CLOCK: variants seen among roughly 807,000 people sequenced by gnomAD.
CLOCK encodes circadian locomoter output cycles protein kaput.
A neutral mutation model predicts 118.4 loss-of-function variants in CLOCK; 43 were observed. The ratio of observed to expected loss-of-function variants is 0.36; its 90% confidence interval spans 0.28 to 0.47. CLOCK has a LOEUF of 0.47. Among genes scored for constraint, CLOCK ranks in the 20% least tolerant of loss-of-function variants. CLOCK has a pLI of 1.00. For missense variants in CLOCK, 846 were observed against 999.9 expected (o/e 0.85, Z 2.08); for synonymous variants, 326 against 339.2 (o/e 0.96, Z 0.43).
rs1376364363 is a variant in CLOCK at position 55,434,618 on chromosome 4, ACAT to A, written c.*794_*796del. 2.0e-5 allele frequency: 3 copies of A among 152,550 alleles called. No homozygotes were observed. Among genetic ancestry groups the A allele is most frequent in the African/African-American group, 7.2e-5 (3 of 41,448 alleles). 9.4% of individuals were successfully genotyped at this position (152,550 alleles called of 1,614,324 possible). On this transcript the variant is annotated 3_prime_UTR_variant, in exon 23 of 23. Transcript: ENST00000513440. ...AAAAAAAAAATCCATTCCCAGCAGCACATCATACCTCACTGAACAAACTGTGAC... is the reference window on the plus strand; with the variant it reads ...AAAAAAAAAATCCATTCCCAGCAGCACATACCTCACTGAACAAACTGTGAC...
chr4:55,470,638 A>G, intron 8 of CLOCK, 79 bp downstream of exon 8: 1 of 1,011,636 alleles, frequency 9.9e-7, no homozygotes, highest in Non-Finnish European at 1.6e-6. Context: ...CACTGCTCTC[A>G]AAGTCCACTT....
chr4:55,512,824 A>G (rs375782476), intron 1 of CLOCK, among the ~76,000 whole-genome samples: 56 of 152,106 alleles, frequency 3.7e-4, no homozygotes, highest in African/African-American at 1.3e-3. Context: ...TCTTTTCTCC[A>G]TTGTATTGTC....
intron 8 of CLOCK, among the ~76,000 whole-genome samples, chr4:55,465,732 G>A (rs991423038): frequency 6.6e-6 from 1 of 152,118 alleles, no homozygotes; most frequent in Non-Finnish European, 1.5e-5. Flanking sequence ...CAGGTGGACT[G>A]TCTGAGGTCA....
chr4:55,492,901 C>T (rs1171240415), intron 2 of CLOCK, among the ~76,000 whole-genome samples: 1 of 152,066 alleles, frequency 6.6e-6, no homozygotes, highest in Non-Finnish European at 1.5e-5. Context: ...AAATGTCTAA[C>T]TGCATTAACA....
chr4:55,518,855 G>A (rs191264568), intron 1 of CLOCK, among the ~76,000 whole-genome samples: 16 of 152,216 alleles, frequency 1.1e-4, no homozygotes, highest in Admixed American at 1.3e-4. Flanking sequence ...TAAGACAACC[G>A]ACAAGCTATA....
intron 1 of CLOCK, among the ~76,000 whole-genome samples, chr4:55,512,408 G>T (rs1010883701): frequency 6.6e-6 from 1 of 151,928 alleles, no homozygotes; most frequent in African/African-American, 2.4e-5. Flanking sequence ...AGTGTACCTG[G>T]CCCATTTTTT....
At position 55,530,774 on chromosome 4, in the gene CLOCK, C is replaced by CAAAAAAAAAAAAAAAAA; in HGVS notation, c.-290+15991_-290+16007dup. ...TGGGAAAAAGAGCAAGACTCCATCG[C>CAAAAAAAAAAAAAAAAA]AAAAAAAAAAAAAAAAAGAGTAAAT... On this transcript the variant is annotated intron_variant, in intron 1 of 22. Coordinates refer to ENST00000513440, the MANE Select transcript of CLOCK (RefSeq NM_004898.4). 1.8e-3 allele frequency among the ~76,000 whole-genome samples: 58 copies of CAAAAAAAAAAAAAAAAA among 33,006 alleles called. 3 individuals are homozygous for CAAAAAAAAAAAAAAAAA. The highest frequency in any genetic ancestry group is 3.8e-3 in the South Asian group (3 of 794). The allele number at this position is 33,006 out of a possible 152,430, so 21.7% of individuals were successfully genotyped here.
chr4:55,463,941 C>T, intron 8 of CLOCK, 136 bp from the exon 9 acceptor site: 1 of 857,946 alleles, frequency 1.2e-6, no homozygotes, highest in Non-Finnish European at 1.7e-6. Context: ...AAGTTATAGA[C>T]CAAATCTCAA....
chr4:55,532,433 AC>A (rs1292084448), intron 1 of CLOCK, among the ~76,000 whole-genome samples: 1 of 152,194 alleles, frequency 6.6e-6, no homozygotes, highest in East Asian at 1.9e-4. Context: ...CCACAAAAAA[AC>A]TGTTAGTACT....
intron 1 of CLOCK, among the ~76,000 whole-genome samples, chr4:55,531,910 C>A (rs11932880): frequency 0.33 from 48,153 of 147,054 alleles, 8,593 homozygotes; most frequent in East Asian, 0.57. Flanking sequence ...TTAAAAAAAA[C>A]AAAAACAAAA....
chr4:55,482,068 TA>T (rs1726971785), intron 4 of CLOCK, among the ~76,000 whole-genome samples: 2 of 152,172 alleles, frequency 1.3e-5, no homozygotes, highest in African/African-American at 4.8e-5. Flanking sequence ...TGCTAAAATG[TA>T]AAAAACAAAG....
intron 7 of CLOCK, among the ~76,000 whole-genome samples, chr4:55,474,163 AC>A (rs1271063577): frequency 6.6e-6 from 1 of 152,176 alleles, no homozygotes; most frequent in African/African-American, 2.4e-5. Flanking sequence ...GTTTTAGTGA[AC>A]ACATGTATGA....
chr4:55,449,548 T>C (rs1381945706), intron 16 of CLOCK, 52 bp from the exon 17 acceptor site: 2 of 1,417,150 alleles, frequency 1.4e-6, no homozygotes, highest in Admixed American at 3.4e-5. Context: ...ATATAGTTTT[T>C]AAAGATTAAT....
Position 55,441,477 on chromosome 4 carries a change from A to T in CLOCK, c.2105+955T>A, listed in dbSNP as rs747884167. ...TCACAATTCCAAAGATATGGAATCA[A>T]CCTAAGTGCCCATCAACCAATGAGT... is the stretch of plus-strand genomic sequence containing the variant. On this transcript the variant is annotated intron_variant, in intron 21 of 22. Coordinates refer to ENST00000513440, the MANE Select transcript of CLOCK (RefSeq NM_004898.4). Among the ~76,000 whole-genome samples, 136 of 152,186 alleles carry T rather than the reference A, an allele frequency of 8.9e-4. 1 individual carries two copies. Among genetic ancestry groups the T allele is most frequent in the Non-Finnish European group, 1.5e-3 (105 of 68,034 alleles).
intron 22 of CLOCK, among the ~76,000 whole-genome samples, chr4:55,435,941 A>C (rs1281133434): frequency 6.6e-6 from 1 of 152,196 alleles, no homozygotes; most frequent in African/African-American, 2.4e-5. Context: ...TGACTATATG[A>C]AAAACAAATA....
intron 18 of CLOCK, among the ~76,000 whole-genome samples, 178 bp downstream of exon 18, chr4:55,448,601 C>CACGCGT (rs1278800720): frequency 8.5e-6 from 1 of 116,980 alleles, no homozygotes; most frequent in Non-Finnish European, 1.8e-5. Flanking sequence ...CGCACGCGCG[C>CACGCGT]GTGTGTGTGT....
In CLOCK at chr4:55,429,460, T is replaced by C. The variant is rs34427230; in HGVS notation, c.*5955A>G. The stretch of plus-strand genomic sequence containing the variant: ...ATTCCAACACTGCTTTACTGGGCAG[T>C]GCTGTGTATGGAAGTTTTGTTTTGT... On this transcript the variant is annotated 3_prime_UTR_variant, in exon 23 of 23. Coordinates refer to ENST00000513440, the MANE Select transcript of CLOCK (RefSeq NM_004898.4). 6.6e-6 allele frequency: 1 copy of C among 152,202 alleles called. No homozygotes were observed. The allele number at this position is 152,202 out of a possible 1,614,324, so 9.4% of individuals were successfully genotyped here.
chr4:55,535,647 G>T (rs527984077), intron 1 of CLOCK, among the ~76,000 whole-genome samples: 15 of 151,598 alleles, frequency 9.9e-5, no homozygotes, highest in Non-Finnish European at 1.8e-4. Context: ...AACTTAAAAA[G>T]CTAAATAAAT....
chr4:55,534,167 G>A (rs913632999), intron 1 of CLOCK, among the ~76,000 whole-genome samples: 5 of 151,998 alleles, frequency 3.3e-5, no homozygotes, highest in African/African-American at 4.8e-5. Context: ...AATATGCAGC[G>A]AGTCAAGTGG....
Sources: gnomAD v4.1 joint callset for allele counts (sites outside exome capture counted in the v4.1 genomes callset) on GRCh38, gnomAD v4.1.1 for gene constraint, MANE v1.5 for transcripts, NCBI Gene and HGNC (gene_info 2026-07-23, HGNC 2026-07-21) for gene names.